The following TMEM132B variants were observed in gnomAD, a reference collection of about 807,000 sequenced individuals.
The protein encoded by TMEM132B is transmembrane protein 132B.
Under a neutral mutation model 90.8 loss-of-function variants are expected in TMEM132B, and 18 were observed. The ratio of observed to expected loss-of-function variants is 0.20; its 90% CI spans 0.14 to 0.29. The LOEUF (loss-of-function observed/expected upper bound fraction) is 0.29. TMEM132B is among the 10% of genes least tolerant of loss of function. The probability of loss-of-function intolerance (pLI) is 1.00; values close to 1 mark genes in which losing one functional copy is unlikely to be tolerated. For missense variants in TMEM132B, 1,096 were observed against 1,326.8 expected, an observed-to-expected ratio of 0.83 and a Z score of 2.70; for synonymous variants, 504 against 523.3, an observed-to-expected ratio of 0.96 and a Z score of 0.50.
chr12:125,298,956 A>G (rs538856512), intron 1 of TMEM132B, among the ~76,000 whole-genome samples: 1 of 151,710 alleles, frequency 6.6e-6, no homozygotes, highest in East Asian at 2.0e-4. Context: ...GATGGTCTCA[A>G]TCTCCTGACC....
At chr12:125,205,928 G>A (rs544690300) in intron 1 of TMEM132B, among the ~76,000 whole-genome samples, 1 of 152,272 alleles carries the variant, frequency 6.6e-6, no homozygotes, top group African/African-American at 2.4e-5. Flanking sequence ...TGCAGCAGGC[G>A]GGACCCTCAG....
rs115292141 is a variant in TMEM132B, at chr12:125,593,913, A to G, written c.1437+9919A>G. On this transcript the variant is annotated intron_variant, in intron 5 of 8. Transcript: ENST00000682704. The stretch of plus-strand genomic sequence containing the variant: ...CTTTGTAACAGCTTTATAGAGGTGT[A>G]ACAGTCAGTAAACTTCACATATTAA... 3.0e-3 allele frequency among the ~76,000 whole-genome samples: 456 copies of G among 152,356 alleles called. 3 individuals are homozygous for G. Among genetic ancestry groups the G allele is most frequent in the African/African-American group, 0.011 (447 of 41,592 alleles).
chr12:125,333,101 A>G (rs780096388), intron 1 of TMEM132B, among the ~76,000 whole-genome samples: 6 of 152,214 alleles, frequency 3.9e-5, no homozygotes, highest in Non-Finnish European at 7.3e-5. Context: ...GCGCTGTCCC[A>G]GGCCGGTTTT....
intron 1 of TMEM132B, among the ~76,000 whole-genome samples, chr12:125,204,076 A>T (rs983266395): frequency 7.9e-5 from 12 of 152,256 alleles, no homozygotes; most frequent in Non-Finnish European, 1.6e-4. Context: ...GGCAGTAATC[A>T]TTATCACTGC....
At chr12:125,602,298 G>T (rs567824206) in intron 5 of TMEM132B, among the ~76,000 whole-genome samples, 1 of 152,284 alleles carries the variant, frequency 6.6e-6, no homozygotes, top group Admixed American at 6.5e-5. Context: ...GGGATGCAAG[G>T]CTGGTTCAAC....
chr12:125,259,002 C>A (rs936515973), intron 1 of TMEM132B, among the ~76,000 whole-genome samples: 4 of 152,092 alleles, frequency 2.6e-5, no homozygotes, highest in African/African-American at 9.7e-5. Context: ...AGCAACAACA[C>A]CATGGCCAGT....
intron 4 of TMEM132B, among the ~76,000 whole-genome samples, chr12:125,531,723 T>C (rs932208453): frequency 3.9e-5 from 6 of 152,244 alleles, no homozygotes; most frequent in Non-Finnish European, 8.8e-5. Context: ...TACGCACCAT[T>C]TCACCTGATT....
At chr12:125,554,051 G>T (rs936437152) in intron 4 of TMEM132B, among the ~76,000 whole-genome samples, 7 of 152,094 alleles carry the variant, frequency 4.6e-5, no homozygotes, top group African/African-American at 1.7e-4. Context: ...TAGTAAAATT[G>T]TAATATTTAT....
chr12:125,338,695 G>A (rs1461354065), intron 1 of TMEM132B, among the ~76,000 whole-genome samples: 1 of 152,244 alleles, frequency 6.6e-6, no homozygotes, highest in Admixed American at 6.5e-5. Context: ...TCTGGTCTGA[G>A]GTTTCCTCTG....
chr12:125,540,714 G>A (rs563369812), intron 4 of TMEM132B, among the ~76,000 whole-genome samples: 41 of 152,302 alleles, frequency 2.7e-4, no homozygotes, highest in South Asian at 2.5e-3. Context: ...GGTTTGTGGT[G>A]TAATCTCTCC....
chr12:125,495,694 C>G (rs1394296050), intron 3 of TMEM132B, among the ~76,000 whole-genome samples: 3 of 152,180 alleles, frequency 2.0e-5, no homozygotes, highest in African/African-American at 7.2e-5. Context: ...GCTCAGATTT[C>G]TTTGTGTAAA....
At chr12:125,454,015 A>T (rs941755544) in intron 3 of TMEM132B, among the ~76,000 whole-genome samples, 1 of 152,024 alleles carries the variant, frequency 6.6e-6, no homozygotes, top group Non-Finnish European at 1.5e-5. Flanking sequence ...TGAATTTACT[A>T]TTGTTTTGCT....
At chr12:125,331,793 G>A (rs1248544607) in intron 1 of TMEM132B, among the ~76,000 whole-genome samples, 1 of 152,136 alleles carries the variant, frequency 6.6e-6, no homozygotes, top group East Asian at 1.9e-4. Flanking sequence ...TTGCTCTGTC[G>A]CCCAGGCTGG....
At chr12:125,288,576 T>A (rs1360342197) in intron 1 of TMEM132B, among the ~76,000 whole-genome samples, 5 of 152,194 alleles carry the variant, frequency 3.3e-5, no homozygotes, top group Admixed American at 2.6e-4. Context: ...GTTTCCAGCT[T>A]TTTTGTTACT....
intron 1 of TMEM132B, among the ~76,000 whole-genome samples, chr12:125,304,262 G>A (rs531199890): frequency 7.9e-5 from 12 of 152,308 alleles, no homozygotes; most frequent in African/African-American, 2.4e-4. Context: ...CCCACTGGCC[G>A]GGCTTTCCTC....
Position 125,224,056 on chromosome 12 carries a change from C to A in TMEM132B, c.67+37190C>A, listed in dbSNP as rs554495223. The stretch of plus-strand genomic sequence containing the variant: ...CCTCCCAAAGTGCTGGGATTACAGG[C>A]GTGAACCACCGTGCCCGGCCTAATG... On this transcript the variant is annotated intron_variant, in intron 1 of 8. Transcript: ENST00000682704. Among the ~76,000 whole-genome samples the A allele has an allele frequency of 3.3e-5, 5 of 152,312 alleles. No individual in the cohort carries two copies. In the South Asian group the frequency reaches 1.0e-3, roughly 32 times the overall value.
At chr12:125,335,098 GT>G (rs1876915787) in intron 1 of TMEM132B, among the ~76,000 whole-genome samples, 2 of 152,170 alleles carry the variant, frequency 1.3e-5, no homozygotes, top group Non-Finnish European at 2.9e-5. Context: ...TTCAACTTGT[GT>G]TTTGAACACA....
chr12:125,317,651 G>A (rs775414650), intron 1 of TMEM132B, among the ~76,000 whole-genome samples: 6 of 152,054 alleles, frequency 3.9e-5, no homozygotes, highest in South Asian at 2.1e-4. Flanking sequence ...GGAGTCTCCC[G>A]CCTGTTGACC....
intron 3 of TMEM132B, among the ~76,000 whole-genome samples, chr12:125,493,795 A>T (rs1240523276): frequency 2.0e-5 from 3 of 151,852 alleles, no homozygotes; most frequent in African/African-American, 7.3e-5. Flanking sequence ...CTCCCTGGGA[A>T]TGGCCGTGTC....
Sources: gnomAD v4.1 joint callset for allele counts (sites outside exome capture counted in the v4.1 genomes callset) on GRCh38, gnomAD v4.1.1 for gene constraint, MANE v1.5 for transcripts, NCBI Gene and HGNC (gene_info 2026-07-23, HGNC 2026-07-21) for gene names.